The following RANBP17 variants were observed in gnomAD, a reference collection of about 807,000 sequenced individuals.
The protein encoded by RANBP17 is ran-binding protein 17.
A neutral mutation model predicts 141.2 loss-of-function variants in RANBP17; 158 were observed. The ratio of observed to expected loss-of-function variants is 1.12; its 90% confidence interval spans 0.98 to 1.28. The LOEUF (loss-of-function observed/expected upper bound fraction) is 1.28, where lower values mean the gene tolerates loss of function less well. Ranked by LOEUF, RANBP17 falls within the 50% of genes most tolerant of loss-of-function variation. The pLI, the probability that RANBP17 is intolerant of heterozygous loss-of-function variation, is 0.00. For synonymous variants in RANBP17, 430 were observed against 450.0 expected (o/e 0.96, Z 0.56); for missense variants, 1,438 against 1,290.7 (o/e 1.11, Z -1.75).
At chr5:171,052,593 T>TA (rs1198946973) in intron 14 of RANBP17, among the ~76,000 whole-genome samples, 52 of 152,222 alleles carry the variant, frequency 3.4e-4, no homozygotes, top group Admixed American at 3.3e-3. Flanking sequence ...TGTCTGTTCT[T>TA]ACGCTATTAT....
chr5:170,974,972 G>A (rs1777253503), intron 14 of RANBP17, among the ~76,000 whole-genome samples: 1 of 152,086 alleles, frequency 6.6e-6, no homozygotes, highest in Non-Finnish European at 1.5e-5. Context: ...CTGGGCCTGG[G>A]AGACAGAATG....
Position 170,968,431 on chromosome 5 carries a change from A to G in RANBP17, c.1710+54A>G, listed in dbSNP as rs780909913. 2.1e-6 allele frequency: 3 copies of G among 1,462,274 alleles called. No homozygotes were observed. The African/African-American group carries it at 4.2e-5, about 20-fold the overall frequency. The allele number at this position is 1,462,274 out of a possible 1,614,324, so 90.6% of individuals were successfully genotyped here. A position where few individuals can be genotyped will look rare whatever the true frequency, so the allele number is the denominator to read the frequency against. On this transcript the variant is annotated intron_variant, in intron 14 of 27. Transcript: ENST00000523189. Reference sequence around the variant, plus strand: ...TGTTATTGGGGATGAAGAAAGATGTACATATATAACTGAATGATATATTTG... The same window carrying G: ...TGTTATTGGGGATGAAGAAAGATGTGCATATATAACTGAATGATATATTTG...
chr5:170,916,792 T>A (rs1772014876), intron 9 of RANBP17, among the ~76,000 whole-genome samples: 1 of 151,138 alleles, frequency 6.6e-6, no homozygotes, highest in African/African-American at 2.4e-5. Flanking sequence ...CTTGGCTCAC[T>A]GCAACCTCTA....
At chr5:170,982,981 A>G in intron 14 of RANBP17, 1 of 375,524 alleles carries the variant, frequency 2.7e-6, no homozygotes, top group Non-Finnish European at 5.0e-6. Flanking sequence ...TTGTATATCC[A>G]GTAAAACTTA....
chr5:171,078,934 T>TTA (rs1363587996), intron 14 of RANBP17, among the ~76,000 whole-genome samples: 5 of 152,232 alleles, frequency 3.3e-5, no homozygotes. Context: ...CTTTCAGGTC[T>TTA]TATCATTTGA....
At chr5:171,039,252 T>G (rs1009728863) in intron 14 of RANBP17, among the ~76,000 whole-genome samples, 5 of 151,384 alleles carry the variant, frequency 3.3e-5, no homozygotes, top group East Asian at 1.9e-4. Context: ...TTGGTTTTTT[T>G]TTTTTTTTTT....
At chr5:171,250,226 T>TA (rs1765470499) in intron 24 of RANBP17, among the ~76,000 whole-genome samples, 1 of 152,198 alleles carries the variant, frequency 6.6e-6, no homozygotes, top group Non-Finnish European at 1.5e-5. Context: ...ATTTGTTTGT[T>TA]ACCACTAGAC....
At chr5:170,934,669 G>T (rs1207270369) in intron 12 of RANBP17, among the ~76,000 whole-genome samples, 1 of 152,208 alleles carries the variant, frequency 6.6e-6, no homozygotes, top group African/African-American at 2.4e-5. Context: ...TCTGCCGAGA[G>T]ATCTGCTGTT....
intron 25 of RANBP17, among the ~76,000 whole-genome samples, chr5:171,277,527 A>G (rs1274909255): frequency 6.7e-6 from 1 of 150,358 alleles, no homozygotes; most frequent in Non-Finnish European, 1.5e-5. Context: ...GGAAAACCTC[A>G]GGCTCGAACA....
intron 14 of RANBP17, among the ~76,000 whole-genome samples, chr5:170,998,014 C>A (rs1778936064): frequency 6.6e-6 from 1 of 151,416 alleles, no homozygotes; most frequent in Non-Finnish European, 1.5e-5. Flanking sequence ...CTTTGGGAGG[C>A]TGAGGCGGGC....
chr5:170,938,746 C>CT (rs1774088648), intron 12 of RANBP17, among the ~76,000 whole-genome samples: 1 of 151,454 alleles, frequency 6.6e-6, no homozygotes, highest in South Asian at 2.1e-4. Context: ...GCAGTTAGAA[C>CT]TGAAGAAATT....
At chr5:171,274,941 G>A (rs139947464) in intron 25 of RANBP17, among the ~76,000 whole-genome samples, 1 of 152,128 alleles carries the variant, frequency 6.6e-6, no homozygotes, top group African/African-American at 2.4e-5. Context: ...TTCAAATATT[G>A]TTCCAAATGG....
rs531950678 is a variant in RANBP17 at position 171,245,511 on chromosome 5, T to A, written c.2776+2691T>A. ...GTTTTTTTAGTAGAGACGGGGTTTC[T>A]CCATGTTGGTCAGGCTGGTCTCGAA... On this transcript the variant is annotated intron_variant, in intron 24 of 27. Coordinates refer to ENST00000523189, the MANE Select transcript of RANBP17 (RefSeq NM_022897.5). 1.0e-3 allele frequency among the ~76,000 whole-genome samples: 158 copies of A among 152,126 alleles called. 1 individual carries two copies. Among genetic ancestry groups the A allele is most frequent in the African/African-American group, 3.6e-3 (148 of 41,526 alleles).
intron 12 of RANBP17, among the ~76,000 whole-genome samples, chr5:170,934,982 T>G (rs1218726908): frequency 6.6e-6 from 1 of 152,230 alleles, no homozygotes; most frequent in South Asian, 2.1e-4. Context: ...AGTCCCATAT[T>G]TCTTGTAGAC....
chr5:171,061,165 G>C (rs1047804992), intron 14 of RANBP17, among the ~76,000 whole-genome samples: 3 of 151,916 alleles, frequency 2.0e-5, no homozygotes, highest in African/African-American at 7.3e-5. Flanking sequence ...GTTTCCTTCA[G>C]TTCTGCTCTG....
At chr5:171,148,855 C>G (rs898188499) in intron 14 of RANBP17, among the ~76,000 whole-genome samples, 5 of 152,092 alleles carry the variant, frequency 3.3e-5, no homozygotes, top group Non-Finnish European at 7.4e-5. Flanking sequence ...TAATGTCTAC[C>G]TGCTTCATAG....
At chr5:171,282,671 G>A (rs1417674361) in intron 25 of RANBP17, among the ~76,000 whole-genome samples, 1 of 151,966 alleles carries the variant, frequency 6.6e-6, no homozygotes, top group African/African-American at 2.4e-5. Context: ...GTAGAGACGG[G>A]GTTTCACGAT....
At chr5:171,252,421 G>A (rs960019411) in intron 24 of RANBP17, 116 of 1,517,834 alleles carry the variant, frequency 7.6e-5, no homozygotes, top group Non-Finnish European at 9.6e-5. Flanking sequence ...AGACCTGTCT[G>A]TTGACGTGGA....
At chr5:171,275,188 A>T (rs1370274007) in intron 25 of RANBP17, among the ~76,000 whole-genome samples, 1 of 152,244 alleles carries the variant, frequency 6.6e-6, no homozygotes, top group Non-Finnish European at 1.5e-5. Context: ...TCAGCCAGTG[A>T]CAATACATTT....
Sources: gnomAD v4.1 joint callset for allele counts (sites outside exome capture counted in the v4.1 genomes callset) on GRCh38, gnomAD v4.1.1 for gene constraint, MANE v1.5 for transcripts, NCBI Gene and HGNC (gene_info 2026-07-23, HGNC 2026-07-21) for gene names.